PEAK1: variants seen among roughly 807,000 people sequenced by gnomAD.
PEAK1 encodes the protein pseudopodium enriched atypical kinase 1, also known as inactive tyrosine-protein kinase PEAK1.
Under a neutral mutation model 124.7 loss-of-function variants are expected in PEAK1, and 54 were observed. The observed-to-expected ratio is 0.43, with a 90% CI of 0.35 to 0.54. The LOEUF (loss-of-function observed/expected upper bound fraction) is 0.54. Among genes scored for constraint, PEAK1 ranks in the 20% least tolerant of loss-of-function variants. PEAK1 has a pLI of 0.01. For missense variants in PEAK1, 2,046 were observed against 2,134.5 expected (o/e 0.96, Z 0.82); for synonymous variants, 719 against 760.0 (o/e 0.95, Z 0.89).
intron 6 of PEAK1, among the ~76,000 whole-genome samples, chr15:77,249,271 T>C (rs1273059913): frequency 6.6e-6 from 1 of 152,030 alleles, no homozygotes; most frequent in Admixed American, 6.6e-5. Flanking sequence ...CAGAGACAGA[T>C]ATCAAATTAT....
At position 77,181,313 on chromosome 15, in the gene PEAK1, T is replaced by C; in HGVS notation, c.614A>G (p.Gln205Arg). 6.2e-7 allele frequency: 1 copy of C among 1,614,150 alleles called. No individual in the cohort carries two copies. Reference protein sequence around the residue: ...SCMIGGIKETQGKHVILSGST... With the variant: ...SCMIGGIKETRGKHVILSGST... ...CCCACTCAGAATAACATGCTTGCCC[T>C]GAGTTTCCTTTATCCCACCTATCAT... Residue 205 changes from glutamine to arginine, a missense_variant, in exon 7 of 10, where the codon CAG becomes CGG. Coordinates refer to ENST00000682557, the MANE Select transcript of PEAK1 (RefSeq NM_001385026.1).
At chr15:77,263,071 A>T (rs1344570770) in intron 5 of PEAK1, among the ~76,000 whole-genome samples, 1 of 152,210 alleles carries the variant, frequency 6.6e-6, no homozygotes, top group Non-Finnish European at 1.5e-5. Context: ...CAAAGACACA[A>T]CATACCAGAA....
chr15:77,246,635 T>A (rs1211361930), intron 6 of PEAK1, among the ~76,000 whole-genome samples: 1 of 152,214 alleles, frequency 6.6e-6, no homozygotes, highest in Non-Finnish European at 1.5e-5. Context: ...ATGTTGCACA[T>A]TTAAAAAAAT....
Position 77,112,529 on chromosome 15 carries a change from G to C in PEAK1, c.*1627C>G, listed in dbSNP as rs562278473. ...GAGGCCTGGCCTCTACTTCCAGCAT[G>C]CGTGTGCACGCACACATGGGCACAC... On this transcript the variant is annotated 3_prime_UTR_variant, in exon 10 of 10. Transcript: ENST00000682557. The C allele has an allele frequency of 6.6e-6, 1 of 152,250 alleles. No individual in the cohort carries two copies. The highest frequency in any genetic ancestry group is 6.5e-5 in the Admixed American group (1 of 15,288). The allele number at this position is 152,250 out of a possible 1,614,324, so 9.4% of individuals were successfully genotyped here.
chr15:77,398,023 C>T (rs1366157047), intron 1 of PEAK1, among the ~76,000 whole-genome samples: 6 of 152,202 alleles, frequency 3.9e-5, no homozygotes, highest in African/African-American at 1.4e-4. Context: ...CAAGATCGTG[C>T]CACTGCACTC....
Position 77,252,473 on chromosome 15 carries a change from AT to A in PEAK1, c.-222del. 1.0e-6 allele frequency: 1 copy of A among 985,120 alleles called. No homozygotes were observed. Among genetic ancestry groups the A allele is most frequent in the Non-Finnish European group, 1.2e-6 (1 of 829,676 alleles). The allele number at this position is 985,120 out of a possible 1,614,324, so 61.0% of individuals were successfully genotyped here. A position where few individuals can be genotyped will look rare whatever the true frequency, so the allele number is the denominator to read the frequency against. On this transcript the variant is annotated 5_prime_UTR_variant, in exon 6 of 10. An upstream open reading frame in the 5' UTR loses its in-frame stop. Coordinates refer to ENST00000682557, the MANE Select transcript of PEAK1 (RefSeq NM_001385026.1). ...GGTGCTTTGGGTCTTTCCAAGATGA[AT>A]GTCCTTTCTTCCTTGCCTCTCATTC...
rs574168253 is a variant in PEAK1, at chr15:77,160,391, C to A, written c.3138-1695G>T. 2.6e-5 allele frequency among the ~76,000 whole-genome samples: 4 copies of A among 152,226 alleles called. No individual in the cohort carries two copies. In the South Asian group the frequency reaches 8.3e-4, roughly 32 times the overall value. The stretch of plus-strand genomic sequence containing the variant: ...TATAAAGTCCCTTAAAAATATCAGC[C>A]CCCTGGCCAGGTTCAGTGGCTCGCA... On this transcript the variant is annotated intron_variant, in intron 7 of 9. Coordinates refer to ENST00000682557, the MANE Select transcript of PEAK1 (RefSeq NM_001385026.1).
At chr15:77,239,301 T>C (rs1335583100) in intron 6 of PEAK1, among the ~76,000 whole-genome samples, 2 of 152,212 alleles carry the variant, frequency 1.3e-5, no homozygotes, top group Non-Finnish European at 2.9e-5. Context: ...TGCACATTAC[T>C]CAAATATCAA....
chr15:77,182,128 A>G, intron 6 of PEAK1, 88 bp from the exon 7 acceptor site: 1 of 1,192,580 alleles, frequency 8.4e-7, no homozygotes, highest in East Asian at 3.1e-5. Flanking sequence ...AACTGACTCC[A>G]TTCCTAAACT....
In PEAK1 at chr15:77,109,691, C is replaced by T. The variant is rs981840450; in HGVS notation, c.*4465G>A. 4 of 152,170 alleles carry T rather than the reference C, an allele frequency of 2.6e-5. No homozygotes were observed. The highest frequency in any genetic ancestry group is 9.7e-5 in the African/African-American group (4 of 41,434). 9.4% of individuals were successfully genotyped at this position (152,170 alleles called of 1,614,324 possible). On this transcript the variant is annotated 3_prime_UTR_variant, in exon 10 of 10. Coordinates refer to ENST00000682557, the MANE Select transcript of PEAK1 (RefSeq NM_001385026.1). The stretch of plus-strand genomic sequence containing the variant: ...CACTTTGGGCCTTTGAGAATATGAG[C>T]TTCGATGACATAAAGCTAATAACTT...
chr15:77,244,871 C>T (rs2060510924), intron 6 of PEAK1, among the ~76,000 whole-genome samples: 1 of 152,124 alleles, frequency 6.6e-6, no homozygotes, highest in Non-Finnish European at 1.5e-5. Context: ...CATACTTGGC[C>T]TCAAAGGACC....
rs1258229426 is a variant in PEAK1 at position 77,337,047 on chromosome 15, G to A, written c.-603+28116C>T. 4 of 858,600 alleles carry A rather than the reference G, an allele frequency of 4.7e-6. No homozygotes were observed. In the African/African-American group the frequency reaches 7.4e-5, roughly 16 times the overall value. The allele number at this position is 858,600 out of a possible 1,614,324, so 53.2% of individuals were successfully genotyped here. A position where few individuals can be genotyped will look rare whatever the true frequency, so the allele number is the denominator to read the frequency against. ...AACTAGATTATAGTAGGTGTTTATG[G>A]AGGAAACAGAATGAGTAAAGATAGG... On this transcript the variant is annotated intron_variant, in intron 2 of 9. Transcript: ENST00000682557.
chr15:77,305,769 T>C (rs1341819934), intron 2 of PEAK1, among the ~76,000 whole-genome samples: 1 of 152,240 alleles, frequency 6.6e-6, no homozygotes, highest in Admixed American at 6.5e-5. Context: ...TAGTATTTTA[T>C]ATAACCTGTG....
intron 8 of PEAK1, among the ~76,000 whole-genome samples, chr15:77,138,138 T>C (rs2053486978): frequency 6.6e-6 from 1 of 152,212 alleles, no homozygotes; most frequent in African/African-American, 2.4e-5. Context: ...CCTCCTTCTT[T>C]TGTAAATTGC....
chr15:77,152,404 T>C (rs2152773106), intron 8 of PEAK1, among the ~76,000 whole-genome samples: 2 of 152,172 alleles, frequency 1.3e-5, no homozygotes, highest in East Asian at 3.9e-4. Flanking sequence ...ACGATGGGGT[T>C]TTCTAGATAT....
intron 2 of PEAK1, among the ~76,000 whole-genome samples, chr15:77,314,911 G>C (rs2064778055): frequency 6.6e-6 from 1 of 152,112 alleles, no homozygotes; most frequent in African/African-American, 2.4e-5. Context: ...GTAGGGTGTG[G>C]AGTGGGAGCA....
At chr15:77,168,235 G>A (rs1036173211) in intron 7 of PEAK1, among the ~76,000 whole-genome samples, 102 of 59,642 alleles carry the variant, frequency 1.7e-3, no homozygotes, top group Middle Eastern at 0.013. Context: ...GCATGTGCGC[G>A]CGCACACACA....
At chr15:77,388,960 A>ATTTTTTTT (rs751451938) in intron 1 of PEAK1, among the ~76,000 whole-genome samples, 1 of 121,688 alleles carries the variant, frequency 8.2e-6, no homozygotes. Flanking sequence ...TCTTTTGCTT[A>ATTTTTTTT]TTTTTTTTTT....
At chr15:77,252,308 C>A (rs2060918633) in intron 6 of PEAK1, 59 bp downstream of exon 6, 21 of 901,836 alleles carry the variant, frequency 2.3e-5, no homozygotes, top group Non-Finnish European at 2.7e-5. Flanking sequence ...AAAAGAAATT[C>A]TTTCCAGTCA....
Sources: allele counts gnomAD v4.1 joint callset (sites outside exome capture counted in the v4.1 genomes callset), GRCh38; gene constraint gnomAD v4.1.1; transcripts MANE v1.5; gene names NCBI Gene and HGNC (gene_info 2026-07-23, HGNC 2026-07-21).